Variants in TVP23C observed in about 807,000 individuals in gnomAD.
TVP23C encodes the protein trans-golgi network vesicle protein 23 homolog C.
A neutral mutation model predicts 28.7 loss-of-function variants in TVP23C; 19 were observed. The observed-to-expected ratio is 0.66, with a 90% confidence interval of 0.46 to 0.97. The LOEUF (loss-of-function observed/expected upper bound fraction) is 0.97, where lower values mean the gene tolerates loss of function less well. Ranked by LOEUF, TVP23C falls within the 50% of genes least tolerant of loss-of-function variation. The pLI is 0.00. For synonymous variants in TVP23C, 68 were observed against 81.7 expected (o/e 0.83, Z 0.90); for missense variants, 186 against 241.3 (o/e 0.77, Z 1.52).
chr17:15,560,060 A>AT lies in TVP23C; in HGVS notation c.12+3376dup, dbSNP rs1318223189. 1.5e-3 allele frequency among the ~76,000 whole-genome samples: 218 copies of AT among 148,080 alleles called. 2 individuals are homozygous for AT. The highest frequency in any genetic ancestry group is 4.9e-3 in the African/African-American group (200 of 41,010). ...ATGAAAACCAAAGAGAGACCACTGT[A>AT]TTTTTTTTTCTTTTTTTTGAGACGG... On this transcript the variant is annotated intron_variant, in intron 1 of 5. Coordinates refer to ENST00000518321, the MANE Select transcript of TVP23C (RefSeq NM_001135036.2).
At chr17:15,505,146 T>C (rs1226680518) in intron 5 of TVP23C, among the ~76,000 whole-genome samples, 4 of 152,158 alleles carry the variant, frequency 2.6e-5, no homozygotes. Flanking sequence ...TCCTTTAATA[T>C]TTAAAGCAAA....
chr17:15,543,538 T>A, intron 5 of TVP23C, among the ~76,000 whole-genome samples: 1 of 151,256 alleles, frequency 6.6e-6, no homozygotes, highest in Non-Finnish European at 1.5e-5. Context: ...AGCATGAGGG[T>A]GAGATAACAG....
Position 15,519,511 on chromosome 17 carries a change from T to C in TVP23C, c.463-16279A>G, listed in dbSNP as rs577308401. On this transcript the variant is annotated intron_variant, in intron 5 of 5. Coordinates refer to the TVP23C transcript ENST00000225576. Reference sequence around the variant, plus strand: ...ACACACACACACACACACACACAAATTGCGTGTTAAGCATGGGGAAAATTC... The same window carrying C: ...ACACACACACACACACACACACAAACTGCGTGTTAAGCATGGGGAAAATTC... Among the ~76,000 whole-genome samples, 29 of 148,992 alleles carry C rather than the reference T, an allele frequency of 1.9e-4. 1 individual carries two copies. Among genetic ancestry groups the C allele is most frequent in the Admixed American group, 5.3e-4 (8 of 14,998 alleles).
Position 15,537,058 on chromosome 17 carries a change from C to G in TVP23C, c.*3354G>C, listed in dbSNP as rs1410193991. ...CTATCACTCCAATAAGACACTTATT[C>G]AATTAAACAAATAATCTTAAAAACT... On this transcript the variant is annotated 3_prime_UTR_variant, in exon 6 of 6. Coordinates refer to ENST00000518321, the MANE Select transcript of TVP23C (RefSeq NM_001135036.2). 1 of 190,550 alleles carries G rather than the reference C, an allele frequency of 5.2e-6. No homozygotes were observed. Among genetic ancestry groups the G allele is most frequent in the Admixed American group, 6.8e-5 (1 of 14,708 alleles). 11.8% of individuals were successfully genotyped at this position (190,550 alleles called of 1,614,324 possible). A position where few individuals can be genotyped will look rare whatever the true frequency, so the allele number is the denominator to read the frequency against.
rs777353966 is a variant in TVP23C at position 15,543,766 on chromosome 17, CCT to C, written c.462+2017_462+2018del. ...TGTTTACTGTCCCCTAACTTGTCCC[CCT>C]GTGTCCCCAGACAGCTCTGACATAA... is the stretch of plus-strand genomic sequence containing the variant. On this transcript the variant is annotated intron_variant, in intron 5 of 5. Transcript: ENST00000518321. 4.3e-4 allele frequency among the ~76,000 whole-genome samples: 66 copies of C among 151,750 alleles called. 1 individual carries two copies. Among genetic ancestry groups the C allele is most frequent in the Non-Finnish European group, 8.6e-4 (58 of 67,776 alleles).
chr17:15,550,680 T>C (rs1379939897), intron 3 of TVP23C, among the ~76,000 whole-genome samples: 1 of 152,228 alleles, frequency 6.6e-6, no homozygotes, highest in Non-Finnish European at 1.5e-5. Context: ...ATCTTCACTG[T>C]GATTCATAAA....
At chr17:15,525,991 A>G (rs1380319772) in intron 5 of TVP23C, among the ~76,000 whole-genome samples, 2 of 152,232 alleles carry the variant, frequency 1.3e-5, no homozygotes, top group Admixed American at 1.3e-4. Context: ...TTAAGAAGTT[A>G]AATGCCCATG....
intron 5 of TVP23C, among the ~76,000 whole-genome samples, chr17:15,511,776 G>C (rs1360378411): frequency 6.6e-6 from 1 of 152,080 alleles, no homozygotes; most frequent in Non-Finnish European, 1.5e-5. Flanking sequence ...CGTGACTCTG[G>C]AAAAATACTG....
chr17:15,502,728 CTCTTTCTCTCTCCTCTCTCCCGTCTCTT>C (rs1981507777), exon 6 of TVP23C: 13 of 966,592 alleles, frequency 1.3e-5, no homozygotes, highest in East Asian at 1.0e-4. Flanking sequence ...TCCTCTCTCT[CTCTTTCTCTCTCCTCTCTCCCGTCTCTT>C]TCTCTCCTTC....
At chr17:15,533,839 T>A (rs1436852093), downstream of TVP23C, among the ~76,000 whole-genome samples, 1 of 152,212 alleles carries the variant, frequency 6.6e-6, no homozygotes, top group Admixed American at 6.5e-5. Context: ...AACATTGAAA[T>A]TTTTAATCTA....
At chr17:15,514,575 A>G (rs1001026323) in intron 5 of TVP23C, among the ~76,000 whole-genome samples, 2 of 152,238 alleles carry the variant, frequency 1.3e-5, no homozygotes, top group Non-Finnish European at 2.9e-5. Flanking sequence ...TAAGGAGCAC[A>G]AAATTCCAAA....
chr17:15,561,320 C>T (rs375466534), intron 1 of TVP23C, among the ~76,000 whole-genome samples: 1 of 152,194 alleles, frequency 6.6e-6, no homozygotes, highest in Non-Finnish European at 1.5e-5. Flanking sequence ...AACAGTCGGC[C>T]GGGCCTGGCG....
At chr17:15,518,146 T>C in intron 5 of TVP23C, among the ~76,000 whole-genome samples, 1 of 126,256 alleles carries the variant, frequency 7.9e-6, no homozygotes, top group Non-Finnish European at 1.6e-5. Context: ...GCAGCCTAGG[T>C]GACAGATCAA....
In TVP23C at chr17:15,539,039, A is replaced by C; in HGVS notation, c.*1373T>G. On this transcript the variant is annotated 3_prime_UTR_variant, in exon 6 of 6. Coordinates refer to ENST00000518321, the MANE Select transcript of TVP23C (RefSeq NM_001135036.2). Reference sequence around the variant, plus strand: ...AGCTTTGTACCACTATTAGCTGTATAATCTTAAGTAAATAATTTAATTTCT... The same window carrying C: ...AGCTTTGTACCACTATTAGCTGTATCATCTTAAGTAAATAATTTAATTTCT... The C allele has an allele frequency of 1.0e-6, 1 of 985,220 alleles. No individual in the cohort carries two copies. The highest frequency in any genetic ancestry group is 4.7e-5 in the South Asian group (1 of 21,272). 61.0% of individuals were successfully genotyped at this position (985,220 alleles called of 1,614,324 possible).
intron 5 of TVP23C, among the ~76,000 whole-genome samples, chr17:15,542,722 G>A (rs919306526): frequency 1.5e-4 from 23 of 152,062 alleles, no homozygotes; most frequent in Non-Finnish European, 2.4e-4. Flanking sequence ...TGATCCGCCC[G>A]CCTTGGCCCT....
At chr17:15,533,951 T>C (rs1433448786), downstream of TVP23C, among the ~76,000 whole-genome samples, 2 of 152,204 alleles carry the variant, frequency 1.3e-5, no homozygotes, top group Admixed American at 1.3e-4. Context: ...TTACACAGAA[T>C]CTTGCTAAGT....
At chr17:15,562,238 G>C (rs1209462258) in intron 1 of TVP23C, 2 of 152,244 alleles carry the variant, frequency 1.3e-5, no homozygotes, top group Middle Eastern at 3.4e-3. Flanking sequence ...TGTTTTGTTT[G>C]AGACGGAGTC....
At chr17:15,543,194 T>C (rs1219341971) in intron 5 of TVP23C, among the ~76,000 whole-genome samples, 2 of 142,412 alleles carry the variant, frequency 1.4e-5, no homozygotes, top group Non-Finnish European at 3.1e-5. Flanking sequence ...ATCACACCTG[T>C]GCCTTCAGGC....
intron 5 of TVP23C, among the ~76,000 whole-genome samples, chr17:15,505,080 C>T (rs1981663534): frequency 6.6e-6 from 1 of 152,040 alleles, no homozygotes. Context: ...GTTCTCAACA[C>T]TGAAGAGGTA....
Sources: allele counts gnomAD v4.1 joint callset (sites outside exome capture counted in the v4.1 genomes callset), GRCh38; gene constraint gnomAD v4.1.1; transcripts MANE v1.5; gene names NCBI Gene and HGNC (gene_info 2026-07-23, HGNC 2026-07-21).